The following PDE8B variants were observed in gnomAD, a reference collection of about 807,000 sequenced individuals.
The protein encoded by PDE8B is high affinity cAMP-specific and IBMX-insensitive 3',5'-cyclic phosphodiesterase 8B.
In PDE8B, 26 loss-of-function variants were observed where a neutral mutation model predicts 101.3. The ratio of observed to expected loss-of-function variants is 0.26; its 90% CI spans 0.19 to 0.36. The LOEUF is 0.36. PDE8B is among the 10% of genes least tolerant of loss of function. PDE8B has a pLI of 1.00. For synonymous variants in PDE8B, 424 were observed against 429.3 expected (o/e 0.99, Z 0.15); for missense variants, 810 against 1,163.1 (o/e 0.70, Z 4.42).
At chr5:77,163,592 C>T in the PDE8B span, among the ~76,000 whole-genome samples, 1 of 152,150 alleles carries the variant, frequency 6.6e-6, no homozygotes, top group Non-Finnish European at 1.5e-5. Context: ...AAAACAAAAA[C>T]CCTCATTACA....
At chr5:77,160,283 T>A in the PDE8B span, among the ~76,000 whole-genome samples, 2 of 152,196 alleles carry the variant, frequency 1.3e-5, no homozygotes, top group Non-Finnish European at 2.9e-5. Flanking sequence ...TATAGTAATC[T>A]CTCAGCATGC....
At chr5:77,101,867 G>T in the PDE8B span, among the ~76,000 whole-genome samples, 4 of 152,204 alleles carry the variant, frequency 2.6e-5, no homozygotes, top group Non-Finnish European at 4.4e-5. Flanking sequence ...GCTGCGGGGT[G>T]GGGGAGAGAT....
At chr5:77,121,863 A>G in the PDE8B span, among the ~76,000 whole-genome samples, 3 of 152,178 alleles carry the variant, frequency 2.0e-5, no homozygotes, top group African/African-American at 7.2e-5. Flanking sequence ...TTTGGAAACC[A>G]CAACAGATTT....
chr5:77,103,780 T>C, the PDE8B span, among the ~76,000 whole-genome samples: 1 of 152,216 alleles, frequency 6.6e-6, no homozygotes, highest in African/African-American at 2.4e-5. Context: ...TGTTCTGCTG[T>C]GTACTAGCTC....
intron 1 of PDE8B, among the ~76,000 whole-genome samples, chr5:77,281,048 T>G (rs1400011391): frequency 1.3e-5 from 2 of 152,256 alleles, no homozygotes; most frequent in African/African-American, 4.8e-5. Flanking sequence ...TGCTTGCTGC[T>G]GTAAACTTGC....
chr5:77,106,570 T>G, the PDE8B span, among the ~76,000 whole-genome samples: 1 of 152,194 alleles, frequency 6.6e-6, no homozygotes, highest in Admixed American at 6.5e-5. Flanking sequence ...TAAAATTGCT[T>G]TGGTTATCTA....
intron 11 of PDE8B, among the ~76,000 whole-genome samples, chr5:77,402,735 A>T (rs1057047833): frequency 2.0e-5 from 3 of 152,236 alleles, no homozygotes; most frequent in African/African-American, 7.2e-5. Flanking sequence ...CAGCCTATAA[A>T]TGAGATGCTA....
intron 1 of PDE8B, among the ~76,000 whole-genome samples, chr5:77,268,404 G>A (rs1335344259): frequency 6.6e-6 from 1 of 151,976 alleles, no homozygotes; most frequent in Non-Finnish European, 1.5e-5. Flanking sequence ...ATACACTGTT[G>A]TTGACTATAA....
the PDE8B span, among the ~76,000 whole-genome samples, chr5:77,149,785 T>A: frequency 6.6e-6 from 1 of 152,210 alleles, no homozygotes; most frequent in Non-Finnish European, 1.5e-5. Context: ...TACGCAAGAT[T>A]ATGCCATCTG....
At chr5:77,273,994 G>A (rs1763329739) in intron 1 of PDE8B, among the ~76,000 whole-genome samples, 1 of 151,768 alleles carries the variant, frequency 6.6e-6, no homozygotes, top group Non-Finnish European at 1.5e-5. Flanking sequence ...GGCTAATTTT[G>A]TATTTTTAGT....
the PDE8B span, chr5:77,112,482 C>G: frequency 6.6e-6 from 1 of 152,038 alleles, no homozygotes; most frequent in Non-Finnish European, 1.5e-5. Context: ...TTATTTTGTT[C>G]TATTTCTCCA....
chr5:77,399,412 A>G (rs1236418499), intron 10 of PDE8B, among the ~76,000 whole-genome samples: 1 of 152,186 alleles, frequency 6.6e-6, no homozygotes, highest in African/African-American at 2.4e-5. Context: ...CAGATGTCCT[A>G]CACACTCATC....
chr5:77,291,065 G>A (rs985701419), intron 1 of PDE8B: 24 of 1,611,598 alleles, frequency 1.5e-5, no homozygotes, highest in Admixed American at 5.0e-5. Context: ...GGAGAAGTTT[G>A]TTGGAACTTG....
chr5:77,369,734 A>G (rs149067110), intron 10 of PDE8B, among the ~76,000 whole-genome samples: 36 of 152,312 alleles, frequency 2.4e-4, no homozygotes, highest in Admixed American at 7.8e-4. Context: ...CCTCGAGACC[A>G]CTACACAGCC....
chr5:77,243,165 G>C (rs955919194), intron 1 of PDE8B, among the ~76,000 whole-genome samples: 5 of 152,122 alleles, frequency 3.3e-5, no homozygotes, highest in African/African-American at 1.2e-4. Context: ...TCAGTAGCTT[G>C]AGCCTAACTT....
intron 1 of PDE8B, among the ~76,000 whole-genome samples, chr5:77,306,701 A>G (rs1330193085): frequency 1.3e-5 from 2 of 152,216 alleles, no homozygotes; most frequent in Non-Finnish European, 2.9e-5. Context: ...AGCTGAAACT[A>G]TTAAGAGCTG....
At chr5:77,339,315 C>T (rs904829239) in intron 6 of PDE8B, among the ~76,000 whole-genome samples, 1 of 152,142 alleles carries the variant, frequency 6.6e-6, no homozygotes, top group South Asian at 2.1e-4. Flanking sequence ...ATGGACTTGA[C>T]CCACGAAGGT....
intron 10 of PDE8B, among the ~76,000 whole-genome samples, chr5:77,387,039 G>A (rs375799293): frequency 1.1e-3 from 170 of 149,650 alleles, no homozygotes; most frequent in African/African-American, 3.8e-3. Flanking sequence ...GCCCGCCACC[G>A]CGCCCGGCTA....
intron 1 of PDE8B, among the ~76,000 whole-genome samples, chr5:77,303,426 A>G (rs547431508): frequency 6.6e-6 from 1 of 152,158 alleles, no homozygotes; most frequent in East Asian, 1.9e-4. Context: ...GTTCCCTACT[A>G]AAATACAAAA....
Sources: gnomAD v4.1 joint callset for allele counts (sites outside exome capture counted in the v4.1 genomes callset) on GRCh38, gnomAD v4.1.1 for gene constraint, MANE v1.5 for transcripts, NCBI Gene and HGNC (gene_info 2026-07-23, HGNC 2026-07-21) for gene names.